The following MED13L variants were observed in gnomAD, a reference collection of about 807,000 sequenced individuals.
MED13L encodes the protein mediator complex subunit 13L.
In MED13L, 7 loss-of-function variants were observed where a neutral mutation model predicts 220.9. The ratio of observed to expected loss-of-function variants is 0.03; its 90% CI spans 0.02 to 0.06. MED13L has a LOEUF of 0.06. Ranked by LOEUF, MED13L falls within the 10% of genes least tolerant of loss-of-function variation. MED13L has a pLI of 1.00. For synonymous variants in MED13L, 1,011 were observed against 1,015.2 expected (o/e 1.00, Z 0.08); for missense variants, 1,965 against 2,760.5 (o/e 0.71, Z 6.46).
chr12:115,961,460 T>C (rs916649158), intron 30 of MED13L, 62 bp from the exon 31 acceptor site: 6 of 1,594,214 alleles, frequency 3.8e-6, no homozygotes, highest in Non-Finnish European at 5.2e-6. Context: ...GGTTCTCAGA[T>C]TCTAATACAT....
chr12:115,993,551 A>AT (rs1456882689), intron 16 of MED13L, among the ~76,000 whole-genome samples: 1 of 151,842 alleles, frequency 6.6e-6, no homozygotes, highest in Admixed American at 6.6e-5. Context: ...TTGAGTACAG[A>AT]TAAAAAAAAA....
At chr12:116,002,490 CA>C (rs895646214) in intron 14 of MED13L, among the ~76,000 whole-genome samples, 8 of 150,914 alleles carry the variant, frequency 5.3e-5, no homozygotes, top group South Asian at 2.1e-4. Flanking sequence ...AGAATATACT[CA>C]AAAAAAAGAG....
At chr12:116,005,671 A>G (rs1445491501) in intron 13 of MED13L, among the ~76,000 whole-genome samples, 198 bp downstream of exon 13, 3 of 152,182 alleles carry the variant, frequency 2.0e-5, no homozygotes, top group Non-Finnish European at 2.9e-5. Context: ...AATAACCTTT[A>G]CAATCTTTTC....
intron 4 of MED13L, among the ~76,000 whole-genome samples, chr12:116,037,212 CA>C (rs1199465016): frequency 1.3e-5 from 2 of 152,084 alleles, no homozygotes; most frequent in African/African-American, 4.8e-5. Context: ...ATCCCTAATC[CA>C]AAAATCAGAA....
chr12:116,223,107 C>A (rs1868601329), intron 2 of MED13L, among the ~76,000 whole-genome samples: 1 of 152,148 alleles, frequency 6.6e-6, no homozygotes, highest in Non-Finnish European at 1.5e-5. Flanking sequence ...GCAGCAAATA[C>A]CAACTCCAGT....
At chr12:115,990,982 A>G in intron 17 of MED13L, 38 bp downstream of exon 17, 1 of 1,595,504 alleles carries the variant, frequency 6.3e-7, no homozygotes, top group Non-Finnish European at 8.6e-7. Context: ...TCATACCAAG[A>G]TACTCCTCAA....
intron 3 of MED13L, among the ~76,000 whole-genome samples, chr12:116,108,066 G>A (rs1873737334): frequency 6.6e-6 from 1 of 151,652 alleles, no homozygotes; most frequent in South Asian, 2.1e-4. Context: ...CTCCAGCCTG[G>A]GCAACAGAGC....
At chr12:116,170,022 T>A (rs1200274609) in intron 2 of MED13L, among the ~76,000 whole-genome samples, 1 of 152,026 alleles carries the variant, frequency 6.6e-6, no homozygotes, top group Non-Finnish European at 1.5e-5. Context: ...GCCTCATAAA[T>A]AAACAAACAA....
At chr12:115,967,583 T>C (rs1044743818) in intron 28 of MED13L, among the ~76,000 whole-genome samples, 4 of 152,216 alleles carry the variant, frequency 2.6e-5, no homozygotes, top group Non-Finnish European at 5.9e-5. Context: ...ATAAACTGAA[T>C]TACAAAAACA....
At chr12:116,268,457 C>T (rs1424614581) in intron 1 of MED13L, among the ~76,000 whole-genome samples, 1 of 152,064 alleles carries the variant, frequency 6.6e-6, no homozygotes, top group East Asian at 1.9e-4. Flanking sequence ...ATTTAATCAT[C>T]CTTCTTAATA....
intron 2 of MED13L, among the ~76,000 whole-genome samples, chr12:116,129,078 C>T (rs1875843354): frequency 6.6e-6 from 1 of 152,120 alleles, no homozygotes; most frequent in Non-Finnish European, 1.5e-5. Flanking sequence ...CTGGCTTATT[C>T]ATACACCATA....
intron 2 of MED13L, among the ~76,000 whole-genome samples, chr12:116,157,418 C>T (rs1037674694): frequency 6.6e-6 from 1 of 152,122 alleles, no homozygotes; most frequent in Non-Finnish European, 1.5e-5. Context: ...AAAAACAGAA[C>T]AAATTACACG....
At chr12:116,035,811 G>A (rs1011624984) in intron 4 of MED13L, among the ~76,000 whole-genome samples, 2 of 151,776 alleles carry the variant, frequency 1.3e-5, no homozygotes, top group African/African-American at 2.4e-5. Context: ...GGATCGTCTC[G>A]AAGGACCCAC....
intron 4 of MED13L, among the ~76,000 whole-genome samples, chr12:116,030,533 A>C (rs1880676832): frequency 6.6e-6 from 1 of 152,182 alleles, no homozygotes; most frequent in African/African-American, 2.4e-5. Flanking sequence ...AGAAAATAAT[A>C]ACAAAAATAT....
At chr12:116,090,875 A>C (rs1418039082) in intron 4 of MED13L, among the ~76,000 whole-genome samples, 2 of 152,226 alleles carry the variant, frequency 1.3e-5, no homozygotes, top group Non-Finnish European at 2.9e-5. Context: ...CTGTAATCCC[A>C]GCACTTTGGG....
intron 2 of MED13L, among the ~76,000 whole-genome samples, chr12:116,193,585 T>G (rs1199191804): frequency 6.7e-6 from 1 of 148,804 alleles, no homozygotes; most frequent in African/African-American, 2.5e-5. Context: ...CTGGTCAAGA[T>G]GAAGATTTAG....
At chr12:116,177,208 C>T (rs1880137886) in intron 2 of MED13L, among the ~76,000 whole-genome samples, 1 of 152,118 alleles carries the variant, frequency 6.6e-6, no homozygotes, top group South Asian at 2.1e-4. Flanking sequence ...AAGTCACCTC[C>T]CTCATGACCC....
At chr12:116,014,819 T>C (rs1592948908) in intron 8 of MED13L, among the ~76,000 whole-genome samples, 1 of 152,190 alleles carries the variant, frequency 6.6e-6, no homozygotes, top group South Asian at 2.1e-4. Flanking sequence ...CTGATACCCA[T>C]GGTGAATCCC....
chr12:116,272,321 G>A (rs1391546831), intron 1 of MED13L, among the ~76,000 whole-genome samples: 6 of 152,178 alleles, frequency 3.9e-5, no homozygotes, highest in Non-Finnish European at 8.8e-5. Flanking sequence ...CCAGCACTTT[G>A]GGAGGCCGAG....
Sources: gnomAD v4.1 joint callset for allele counts (sites outside exome capture counted in the v4.1 genomes callset) on GRCh38, gnomAD v4.1.1 for gene constraint, MANE v1.5 for transcripts, NCBI Gene and HGNC (gene_info 2026-07-23, HGNC 2026-07-21) for gene names.